Variants in TTC29 observed in about 807,000 individuals in gnomAD.
The protein encoded by TTC29 is tetratricopeptide repeat domain 29.
TTC29 carries 49 observed loss-of-function variants against 58.1 expected under a neutral mutation model. That is an observed-to-expected ratio of 0.84 (90% CI 0.67 to 1.07). The LOEUF is 1.07. Among genes scored for constraint, TTC29 ranks in the 50% least tolerant of loss-of-function variants. TTC29 has a pLI of 0.00. For missense variants in TTC29, 582 were observed against 555.6 expected (o/e 1.05, Z -0.48); for synonymous variants, 209 against 196.8 (o/e 1.06, Z -0.52).
intron 11 of TTC29, among the ~76,000 whole-genome samples, chr4:146,764,908 CTT>C (rs1747186311): frequency 6.6e-6 from 1 of 152,096 alleles, no homozygotes; most frequent in East Asian, 1.9e-4. Flanking sequence ...GAGTTTGTCT[CTT>C]TCTTTTTCTT....
rs73852729 is a variant in TTC29 at position 146,879,076 on chromosome 4, G to A, written c.587-4148C>T. On this transcript the variant is annotated intron_variant, in intron 6 of 12. Coordinates refer to ENST00000325106, the MANE Select transcript of TTC29 (RefSeq NM_031956.4). The stretch of plus-strand genomic sequence containing the variant: ...AGTTTTCCAGTCCTTCTCATATGTA[G>A]GGATTCATTTCTAAAAGTATTTGGT... Among the ~76,000 whole-genome samples the A allele has an allele frequency of 4.4e-3, 672 of 152,216 alleles. 4 individuals are homozygous for A. The highest frequency in any genetic ancestry group is 0.016 in the African/African-American group (648 of 41,520).
At chr4:146,894,693 AAAT>A (rs1732644430) in intron 6 of TTC29, among the ~76,000 whole-genome samples, 1 of 21,576 alleles carries the variant, frequency 4.6e-5, no homozygotes, top group South Asian at 1.6e-3. Context: ...AAAATAAAAT[AAAT>A]AAATAAATAA....
At chr4:146,876,486 A>C (rs561652733) in intron 6 of TTC29, among the ~76,000 whole-genome samples, 17 of 152,338 alleles carry the variant, frequency 1.1e-4, no homozygotes, top group African/African-American at 1.7e-4. Context: ...TGTGGGTTGG[A>C]GCTACTTCCA....
chr4:146,889,169 A>G (rs1732188714), intron 6 of TTC29, among the ~76,000 whole-genome samples: 1 of 152,144 alleles, frequency 6.6e-6, no homozygotes, highest in Admixed American at 6.6e-5. Flanking sequence ...CTTACTGCCT[A>G]AAGACCATTC....
chr4:146,895,450 C>T (rs1380380506), intron 6 of TTC29, among the ~76,000 whole-genome samples: 1 of 152,146 alleles, frequency 6.6e-6, no homozygotes, highest in East Asian at 1.9e-4. Flanking sequence ...GACTTCCTCT[C>T]TCCTTCATTC....
At chr4:146,716,980 A>T (rs1163729573) in intron 11 of TTC29, among the ~76,000 whole-genome samples, 3 of 152,190 alleles carry the variant, frequency 2.0e-5, no homozygotes, top group Admixed American at 6.5e-5. Flanking sequence ...GGAGCTTGTT[A>T]GAAATGCAGA....
chr4:146,939,100 G>A (rs1736117981), intron 3 of TTC29, among the ~76,000 whole-genome samples: 1 of 152,122 alleles, frequency 6.6e-6, no homozygotes, highest in Non-Finnish European at 1.5e-5. Context: ...CTACAAGTAA[G>A]GCTCTACCCT....
chr4:146,875,587 C>A (rs563218728), intron 6 of TTC29, among the ~76,000 whole-genome samples: 2 of 152,060 alleles, frequency 1.3e-5, no homozygotes, highest in Non-Finnish European at 2.9e-5. Context: ...TGAGCTCAAG[C>A]GATCCTTCCA....
intron 11 of TTC29, among the ~76,000 whole-genome samples, chr4:146,713,956 C>T (rs1406052209): frequency 6.6e-6 from 1 of 152,128 alleles, no homozygotes; most frequent in Non-Finnish European, 1.5e-5. Context: ...TGTCTTCATA[C>T]AGTTCTTTTT....
intron 6 of TTC29, among the ~76,000 whole-genome samples, chr4:146,889,575 G>C (rs1320313425): frequency 6.6e-6 from 1 of 152,002 alleles, no homozygotes; most frequent in Admixed American, 6.6e-5. Context: ...TAAAATGAAA[G>C]AGAAAATAAA....
intron 11 of TTC29, among the ~76,000 whole-genome samples, chr4:146,729,549 A>G (rs1400167827): frequency 6.6e-6 from 1 of 152,130 alleles, no homozygotes; most frequent in Admixed American, 6.5e-5. Flanking sequence ...GCTCTGTGAA[A>G]TCAGATGTCT....
In TTC29 at chr4:146,890,572, G is replaced by A. The variant is rs1732285350; in HGVS notation, c.586+12972C>T. 2.0e-5 allele frequency among the ~76,000 whole-genome samples: 3 copies of A among 152,214 alleles called. No homozygotes were observed. In the South Asian group the frequency reaches 6.2e-4, roughly 32 times the overall value. ...GGTGAACCTGAGGTCAAAGCAGAGA[G>A]GAGACAGGGCCAAAGACAAGCCTTG... On this transcript the variant is annotated intron_variant, in intron 6 of 12. Transcript: ENST00000325106.
At chr4:146,879,310 T>C (rs566958218) in intron 6 of TTC29, among the ~76,000 whole-genome samples, 10 of 152,312 alleles carry the variant, frequency 6.6e-5, no homozygotes, top group African/African-American at 2.4e-4. Flanking sequence ...AGCATTTCCC[T>C]TTAAGCATGA....
intron 11 of TTC29, among the ~76,000 whole-genome samples, chr4:146,730,970 A>G (rs559028982): frequency 2.0e-5 from 3 of 152,320 alleles, no homozygotes; most frequent in Admixed American, 6.5e-5. Context: ...CTTTAAAGAC[A>G]GGAGAAACCA....
chr4:146,730,436 T>C (rs1744240958), intron 11 of TTC29, among the ~76,000 whole-genome samples: 1 of 152,174 alleles, frequency 6.6e-6, no homozygotes, highest in Non-Finnish European at 1.5e-5. Context: ...ATAGATAATT[T>C]TGAGAATTAT....
intron 4 of TTC29, among the ~76,000 whole-genome samples, chr4:146,920,831 C>T (rs1284697256): frequency 6.6e-6 from 1 of 150,982 alleles, no homozygotes; most frequent in Admixed American, 6.6e-5. Context: ...TATATATATT[C>T]TATATGTCTT....
intron 11 of TTC29, among the ~76,000 whole-genome samples, chr4:146,723,658 T>C (rs1743550347): frequency 6.6e-6 from 1 of 152,032 alleles, no homozygotes; most frequent in South Asian, 2.1e-4. Context: ...ATCAGAGAAA[T>C]GCAAATCAAA....
chr4:146,768,221 C>A (rs1294979623), intron 11 of TTC29, among the ~76,000 whole-genome samples: 1 of 151,854 alleles, frequency 6.6e-6, no homozygotes, highest in Non-Finnish European at 1.5e-5. Flanking sequence ...GACCAAGTAA[C>A]AATTTCTGTG....
intron 8 of TTC29, among the ~76,000 whole-genome samples, chr4:146,860,738 C>T (rs781034286): frequency 2.6e-4 from 40 of 152,088 alleles, no homozygotes; most frequent in Admixed American, 9.8e-4. Flanking sequence ...GGTTGACCAC[C>T]ACCAACAAAC....
Sources: allele counts gnomAD v4.1 joint callset (sites outside exome capture counted in the v4.1 genomes callset), GRCh38; gene constraint gnomAD v4.1.1; transcripts MANE v1.5; gene names NCBI Gene and HGNC (gene_info 2026-07-23, HGNC 2026-07-21).